Variants in FGD4 observed in about 807,000 individuals in gnomAD.
FGD4 encodes the protein FYVE, RhoGEF and PH domain containing 4.
FGD4 carries 42 observed loss-of-function variants against 102.0 expected under a neutral mutation model. The ratio of observed to expected loss-of-function variants is 0.41; its 90% CI spans 0.32 to 0.53. The LOEUF (loss-of-function observed/expected upper bound fraction) is 0.53. Ranked by LOEUF, FGD4 falls within the 20% of genes least tolerant of loss-of-function variation. The probability of loss-of-function intolerance (pLI) is 0.21; values close to 1 mark genes in which losing one functional copy is unlikely to be tolerated. For synonymous variants in FGD4, 380 were observed against 375.7 expected, an observed-to-expected ratio of 1.01 and a Z score of -0.13; for missense variants, 902 against 1,078.2, an observed-to-expected ratio of 0.84 and a Z score of 2.29.
At chr12:32,618,951 A>G (rs1205144495) in intron 10 of FGD4, among the ~76,000 whole-genome samples, 2 of 152,192 alleles carry the variant, frequency 1.3e-5, no homozygotes, top group African/African-American at 4.8e-5. Flanking sequence ...CCTCTCTCAG[A>G]TATAATCATA....
chr12:32,633,136 T>C (rs1858083069), intron 14 of FGD4, among the ~76,000 whole-genome samples: 1 of 152,136 alleles, frequency 6.6e-6, no homozygotes, highest in Non-Finnish European at 1.5e-5. Context: ...TGGGGATGAC[T>C]CCTATGTGTC....
At chr12:32,498,762 C>G (rs1027707949) in intron 1 of FGD4, among the ~76,000 whole-genome samples, 1 of 152,112 alleles carries the variant, frequency 6.6e-6, no homozygotes, top group Non-Finnish European at 1.5e-5. Flanking sequence ...ACCACCATGC[C>G]CAGCTAATTT....
At chr12:32,504,872 A>G (rs1275254195) in intron 1 of FGD4, among the ~76,000 whole-genome samples, 1 of 152,228 alleles carries the variant, frequency 6.6e-6, no homozygotes. Context: ...GTTGCCTGAC[A>G]TAACAAATTC....
chr12:32,526,970 C>T (rs746050739), intron 1 of FGD4, among the ~76,000 whole-genome samples: 2 of 151,988 alleles, frequency 1.3e-5, no homozygotes, highest in Non-Finnish European at 2.9e-5. Flanking sequence ...CCATATTCTC[C>T]CAGCTAACAG....
At chr12:32,402,156 G>A (rs11051985) in intron 1 of FGD4, among the ~76,000 whole-genome samples, 25,117 of 139,480 alleles carry the variant, frequency 0.18, 2,863 homozygotes, top group East Asian at 0.29. Flanking sequence ...TAAAGAGACG[G>A]GATTGCTTGG....
At chr12:32,600,365 T>C in intron 5 of FGD4, 1 of 854,988 alleles carries the variant, frequency 1.2e-6, no homozygotes, top group Admixed American at 2.5e-5. Flanking sequence ...ACCTAACTAT[T>C]GGAGCCTCTA....
Position 32,644,678 on chromosome 12 carries a change from A to G in FGD4, c.*4145A>G, listed in dbSNP as rs1291504527. 1 of 152,184 alleles carries G rather than the reference A, an allele frequency of 6.6e-6. No homozygotes were observed. Among genetic ancestry groups the G allele is most frequent in the East Asian group, 1.9e-4 (1 of 5,194 alleles). 9.4% of individuals were successfully genotyped at this position (152,184 alleles called of 1,614,324 possible). A position where few individuals can be genotyped will look rare whatever the true frequency, so the allele number is the denominator to read the frequency against. On this transcript the variant is annotated 3_prime_UTR_variant, in exon 17 of 17. Transcript: ENST00000534526. Reference sequence around the variant, plus strand: ...GGGAGAGACTGCTGGTCTCCAGACCACAGCAATGTGTTTTAAGATAAGATG... The same window carrying G: ...GGGAGAGACTGCTGGTCTCCAGACCGCAGCAATGTGTTTTAAGATAAGATG...
rs1336787608 is a variant in FGD4, at chr12:32,624,384, A to G, written c.1923-38A>G. 6.1e-6 allele frequency: 9 copies of G among 1,476,920 alleles called. No individual in the cohort carries two copies. In the African/African-American group the frequency reaches 1.1e-4, roughly 18 times the overall value. 91.5% of individuals were successfully genotyped at this position (1,476,920 alleles called of 1,614,324 possible). On this transcript the variant is annotated intron_variant, in intron 11 of 16. Coordinates refer to ENST00000534526, the MANE Select transcript of FGD4 (RefSeq NM_001370298.3). Reference sequence around the variant, plus strand: ...TTTATTCACCCAGTGTGAATCATTAATATTATTTACATTCACTTTAATTTT... The same window carrying G: ...TTTATTCACCCAGTGTGAATCATTAGTATTATTTACATTCACTTTAATTTT...
intron 1 of FGD4, among the ~76,000 whole-genome samples, chr12:32,520,824 GA>G (rs1483050017): frequency 6.6e-6 from 1 of 152,094 alleles, no homozygotes; most frequent in African/African-American, 2.4e-5. Flanking sequence ...CATACTAGGG[GA>G]TGCATGCCCA....
intron 1 of FGD4, 21 bp from the exon 2 acceptor site, chr12:32,564,116 T>G: frequency 6.5e-7 from 1 of 1,532,784 alleles, no homozygotes; most frequent in South Asian, 1.2e-5. Context: ...TTACCTGCCC[T>G]TTCTTTCTGA....
At chr12:32,581,894 C>T in intron 3 of FGD4, 66 bp from the exon 4 acceptor site, 3 of 1,568,144 alleles carry the variant, frequency 1.9e-6, no homozygotes, top group Non-Finnish European at 2.6e-6. Flanking sequence ...CTGGAATAAA[C>T]TTGTCTTAAT....
intron 1 of FGD4, among the ~76,000 whole-genome samples, chr12:32,433,535 C>G (rs945840855): frequency 1.3e-5 from 2 of 151,872 alleles, no homozygotes; most frequent in South Asian, 4.2e-4. Flanking sequence ...CGGGGTTTCA[C>G]CATGTTGGCC....
intron 1 of FGD4, among the ~76,000 whole-genome samples, chr12:32,487,901 T>G (rs1202059402): frequency 1.3e-5 from 2 of 152,190 alleles, no homozygotes. Flanking sequence ...ATTGCTTTTT[T>G]CAGAGAGACA....
intron 3 of FGD4, among the ~76,000 whole-genome samples, chr12:32,580,658 C>T (rs925150339): frequency 2.0e-5 from 3 of 152,050 alleles, no homozygotes; most frequent in African/African-American, 7.2e-5. Flanking sequence ...GAGGCCGAGG[C>T]GGGCAGATCA....
At position 32,480,165 on chromosome 12, in the gene FGD4, G is replaced by GTT. The variant is rs566121849; in HGVS notation, c.166+80213_166+80214dup. The stretch of plus-strand genomic sequence containing the variant: ...ATGTTTGTTTGTGGGGGTTTTTTTT[G>GTT]TTTTTTTTGTTTTGAGACTGAGTCT... On this transcript the variant is annotated intron_variant, in intron 1 of 16. Transcript: ENST00000534526. Among the ~76,000 whole-genome samples the GTT allele has an allele frequency of 6.7e-4, 41 of 61,518 alleles. 1 individual carries two copies. In the South Asian group the frequency reaches 0.017, roughly 25 times the overall value. 40.4% of individuals were successfully genotyped at this position (61,518 alleles called of 152,430 possible).
In FGD4 at chr12:32,513,762, T is replaced by A. The variant is rs75534377; in HGVS notation, c.167-50375T>A. Among the ~76,000 whole-genome samples the A allele has an allele frequency of 9.7e-4, 148 of 152,334 alleles. No individual in the cohort carries two copies. In the East Asian group the frequency reaches 0.016, roughly 16 times the overall value. The stretch of plus-strand genomic sequence containing the variant: ...TTTCCAGCTTGGATAGTTGGCTAGA[T>A]GATGCATCATTGGCTAATATAAGGA... On this transcript the variant is annotated intron_variant, in intron 1 of 16. Transcript: ENST00000534526.
At chr12:32,431,412 T>C (rs1942039445) in intron 1 of FGD4, among the ~76,000 whole-genome samples, 1 of 152,224 alleles carries the variant, frequency 6.6e-6, no homozygotes, top group Non-Finnish European at 1.5e-5. Context: ...TATACTTTTT[T>C]TCGTTTGGAA....
At chr12:32,524,165 G>T (rs1387168444) in intron 1 of FGD4, among the ~76,000 whole-genome samples, 1 of 151,738 alleles carries the variant, frequency 6.6e-6, no homozygotes, top group African/African-American at 2.4e-5. Context: ...GGGAGGCCGA[G>T]GCGGGCGAAT....
chr12:32,634,698 A>G (rs1414297366), intron 15 of FGD4, among the ~76,000 whole-genome samples: 3 of 152,188 alleles, frequency 2.0e-5, no homozygotes. Flanking sequence ...TTTATTAAGA[A>G]TCTCTAAAGA....
Sources: allele counts gnomAD v4.1 joint callset (sites outside exome capture counted in the v4.1 genomes callset), GRCh38; gene constraint gnomAD v4.1.1; transcripts MANE v1.5; gene names NCBI Gene and HGNC (gene_info 2026-07-23, HGNC 2026-07-21).